COBLL1: variants seen among roughly 807,000 people sequenced by gnomAD.
COBLL1 encodes the protein cordon-bleu protein-like 1.
Under a neutral mutation model 94.8 loss-of-function variants are expected in COBLL1, and 50 were observed. The observed-to-expected ratio is 0.53, with a 90% CI of 0.42 to 0.67. COBLL1 has a LOEUF of 0.67. Ranked by LOEUF, COBLL1 falls within the 30% of genes least tolerant of loss-of-function variation. The pLI is 0.00. For missense variants in COBLL1, 1,362 were observed against 1,348.7 expected (o/e 1.01, Z -0.15); for synonymous variants, 448 against 473.8 (o/e 0.95, Z 0.71).
intron 7 of COBLL1, among the ~76,000 whole-genome samples, chr2:164,708,680 T>C (rs1489408670): frequency 1.3e-5 from 2 of 152,220 alleles, no homozygotes; most frequent in African/African-American, 4.8e-5. Context: ...TTCTCGGATT[T>C]ACTTCTGTAA....
intron 2 of COBLL1, among the ~76,000 whole-genome samples, chr2:164,789,089 T>G (rs72882429): frequency 0.016 from 2,335 of 147,876 alleles, 28 homozygotes; most frequent in South Asian, 0.028. Flanking sequence ...ATGCCTGTAG[T>G]CCCAGCTACT....
chr2:164,728,011 C>A lies in COBLL1; in HGVS notation c.619G>T (p.Asp207Tyr). ...EPLDLTKSLN[D>Y]LGLRELYAMD... ...GCATATAATTCTCTTAGTCCCAGGT[C>A]ATTAAGAGATTTTGTCAAGTCAAGA... Residue 207 changes from aspartate to tyrosine, a missense_variant, in exon 5 of 14, where the codon GAC (aspartate) becomes TAC (tyrosine). By Grantham distance (160) the Asp-to-Tyr change is radical (BLOSUM62 -3). Coordinates refer to ENST00000652658, the MANE Select transcript of COBLL1 (RefSeq NM_001365672.2). 3 of 1,612,990 alleles carry A rather than the reference C, an allele frequency of 1.9e-6. No homozygotes were observed. The highest frequency in any genetic ancestry group is 2.5e-6 in the Non-Finnish European group (3 of 1,179,076).
intron 2 of COBLL1, among the ~76,000 whole-genome samples, chr2:164,748,456 C>T (rs1458229577): frequency 6.6e-6 from 1 of 152,024 alleles, no homozygotes; most frequent in African/African-American, 2.4e-5. Flanking sequence ...ATAGGAAATT[C>T]TGATAATATA....
Position 164,722,056 on chromosome 2 carries a change from A to G in COBLL1, c.996+19T>C, listed in dbSNP as rs1159509844. On this transcript the variant is annotated intron_variant, in intron 7 of 13. Transcript: ENST00000652658. ...ACTGCCTCATCCAAAAAAACAAAAT[A>G]GAAAACAAAACTACACACCTTATCT... 1.9e-6 allele frequency: 3 copies of G among 1,539,374 alleles called. No individual in the cohort carries two copies. Among genetic ancestry groups the G allele is most frequent in the Admixed American group, 2.1e-5 (1 of 47,434 alleles).
intron 2 of COBLL1, among the ~76,000 whole-genome samples, chr2:164,790,349 C>A (rs1186903941): frequency 6.6e-6 from 1 of 152,102 alleles, no homozygotes; most frequent in East Asian, 1.9e-4. Context: ...GCTCTGGCCA[C>A]CCATGACCCT....
chr2:164,735,582 G>A (rs1425788455), intron 3 of COBLL1, among the ~76,000 whole-genome samples: 1 of 151,894 alleles, frequency 6.6e-6, no homozygotes, highest in East Asian at 1.9e-4. Flanking sequence ...CACTACAAAA[G>A]TAGGACATTA....
In COBLL1 at chr2:164,680,246, G is replaced by A. The variant is rs888758847; in HGVS notation, c.*5700C>T. 6.6e-6 allele frequency: 1 copy of A among 151,976 alleles called. No homozygotes were observed. Among genetic ancestry groups the A allele is most frequent in the Non-Finnish European group, 1.5e-5 (1 of 67,968 alleles). 9.4% of individuals were successfully genotyped at this position (151,976 alleles called of 1,614,324 possible). On this transcript the variant is annotated 3_prime_UTR_variant, in exon 14 of 14. Coordinates refer to ENST00000652658, the MANE Select transcript of COBLL1 (RefSeq NM_001365672.2). ...ATTATAATTTCAAACATGCAGACAA[G>A]TTAAAAATCATGTACAATATAACCC...
chr2:164,797,040 TAA>T (rs1683499141), intron 2 of COBLL1, among the ~76,000 whole-genome samples: 1 of 152,224 alleles, frequency 6.6e-6, no homozygotes, highest in Non-Finnish European at 1.5e-5. Flanking sequence ...CGAAAAATAT[TAA>T]TTGAAACAAT....
intron 2 of COBLL1, among the ~76,000 whole-genome samples, chr2:164,788,569 G>A (rs1683004119): frequency 6.6e-6 from 1 of 152,158 alleles, no homozygotes; most frequent in Non-Finnish European, 1.5e-5. Flanking sequence ...CCATTTTATG[G>A]TTAGTGACAT....
intron 2 of COBLL1, among the ~76,000 whole-genome samples, chr2:164,829,473 T>A (rs1257323085): frequency 3.3e-5 from 5 of 152,112 alleles, no homozygotes; most frequent in Non-Finnish European, 7.4e-5. Context: ...ACATTTCCAT[T>A]TAGCAAAGCA....
intron 1 of COBLL1, among the ~76,000 whole-genome samples, chr2:164,666,890 A>G (rs1219030850): frequency 6.6e-6 from 1 of 152,142 alleles, no homozygotes; most frequent in Non-Finnish European, 1.5e-5. Flanking sequence ...CAAGTCATCC[A>G]TGAGGGTTGG....
chr2:164,664,651 A>G (rs2105383833), intron 2 of COBLL1, among the ~76,000 whole-genome samples: 1 of 152,350 alleles, frequency 6.6e-6, no homozygotes, highest in Non-Finnish European at 1.5e-5. Context: ...ACTAAGTGAC[A>G]AAACTTTTAA....
chr2:164,697,467 T>G (rs1684017877), intron 11 of COBLL1: 1 of 152,162 alleles, frequency 6.6e-6, no homozygotes, highest in Non-Finnish European at 1.5e-5. Context: ...AACACTATTT[T>G]GAACAGTTAT....
At chr2:164,742,387 T>TA (rs1396458640) in intron 3 of COBLL1, among the ~76,000 whole-genome samples, 1 of 151,318 alleles carries the variant, frequency 6.6e-6, no homozygotes, top group Non-Finnish European at 1.5e-5. Flanking sequence ...TAAAAAAAAA[T>TA]AAAAAAGGAA....
Position 164,841,210 on chromosome 2 carries a change from G to A in COBLL1, c.-14C>T. 2.2e-5 allele frequency: 27 copies of A among 1,231,676 alleles called. No homozygotes were observed. Among genetic ancestry groups the A allele is most frequent in the Non-Finnish European group, 2.7e-5 (27 of 988,690 alleles). The allele number at this position is 1,231,676 out of a possible 1,614,324, so 76.3% of individuals were successfully genotyped here. ...TCGGCCGTCCATCGCCCTGCGGGGC[G>A]CTGCGCGGGCTCCAGCTCCCAGGCG... On this transcript the variant is annotated 5_prime_UTR_variant, in exon 2 of 14. Transcript: ENST00000652658. The surrounding 1 kb of genome is among the most constrained non-coding windows in gnomAD (Gnocchi z 5.5).
intron 2 of COBLL1, among the ~76,000 whole-genome samples, chr2:164,811,978 T>C (rs1684482905): frequency 6.6e-6 from 1 of 151,944 alleles, no homozygotes; most frequent in African/African-American, 2.4e-5. Flanking sequence ...CTAAAATACC[T>C]GCAGCATGGT....
chr2:164,838,874 A>G (rs967486654), intron 2 of COBLL1, among the ~76,000 whole-genome samples: 1 of 152,220 alleles, frequency 6.6e-6, no homozygotes, highest in African/African-American at 2.4e-5. Flanking sequence ...TAACATATTA[A>G]GATTTCTGCC....
chr2:164,756,510 T>G (rs1268375017), intron 2 of COBLL1, among the ~76,000 whole-genome samples: 1 of 152,194 alleles, frequency 6.6e-6, no homozygotes, highest in Admixed American at 6.5e-5. Flanking sequence ...AAATATATTT[T>G]TATAAAAGTT....
intron 2 of COBLL1, among the ~76,000 whole-genome samples, chr2:164,818,528 T>C (rs1029253239): frequency 7.6e-5 from 11 of 144,362 alleles, no homozygotes; most frequent in Non-Finnish European, 1.1e-4. Context: ...TTATATACAA[T>C]ATACATATTT....
Sources: allele counts gnomAD v4.1 joint callset (sites outside exome capture counted in the v4.1 genomes callset), GRCh38; gene constraint gnomAD v4.1.1; non-coding constraint Gnocchi (gnomAD v3.1); transcripts MANE v1.5; gene names NCBI Gene and HGNC (gene_info 2026-07-23, HGNC 2026-07-21).